Variants in SEMA3E observed in about 807,000 individuals in gnomAD.
The protein encoded by SEMA3E is semaphorin 3E, also known as semaphorin-3E.
In SEMA3E, 49 loss-of-function variants were observed where a neutral mutation model predicts 93.6. That is an observed-to-expected ratio of 0.52 (90% CI 0.42 to 0.66). SEMA3E has a LOEUF of 0.66. SEMA3E is among the 30% of genes least tolerant of loss of function. SEMA3E has a pLI of 0.00. For missense variants in SEMA3E, 906 were observed against 964.8 expected, an observed-to-expected ratio of 0.94 and a Z score of 0.81; for synonymous variants, 363 against 330.7, an observed-to-expected ratio of 1.10 and a Z score of -1.06.
intron 4 of SEMA3E, among the ~76,000 whole-genome samples, chr7:83,425,644 T>A (rs1042231335): frequency 3.3e-5 from 5 of 152,224 alleles, no homozygotes; most frequent in Non-Finnish European, 5.9e-5. Flanking sequence ...TTCACATTTT[T>A]ATCTCTAAAA....
chr7:83,397,920 C>T (rs1017843603), intron 11 of SEMA3E, among the ~76,000 whole-genome samples: 1 of 152,100 alleles, frequency 6.6e-6, no homozygotes, highest in Non-Finnish European at 1.5e-5. Flanking sequence ...AAACAAAGCA[C>T]ACATATTAAA....
At chr7:83,464,885 C>T (rs1169458870) in intron 4 of SEMA3E, among the ~76,000 whole-genome samples, 2 of 149,386 alleles carry the variant, frequency 1.3e-5, no homozygotes, top group Admixed American at 1.3e-4. Context: ...TTTTCGCCGC[C>T]CCAACACTTC....
intron 1 of SEMA3E, among the ~76,000 whole-genome samples, chr7:83,581,388 G>A (rs1168809085): frequency 6.6e-6 from 1 of 151,936 alleles, no homozygotes; most frequent in Non-Finnish European, 1.5e-5. Flanking sequence ...AAACTTCTGT[G>A]TTGCAAGAAC....
intron 1 of SEMA3E, among the ~76,000 whole-genome samples, chr7:83,645,436 T>C (rs2067501520): frequency 6.6e-6 from 1 of 152,062 alleles, no homozygotes. Flanking sequence ...CAGGACAGCA[T>C]CTTGCCATTT....
At chr7:83,419,590 ATC>A (rs1788632026) in intron 4 of SEMA3E, among the ~76,000 whole-genome samples, 1 of 152,108 alleles carries the variant, frequency 6.6e-6, no homozygotes, top group African/African-American at 2.4e-5. Context: ...CCTCTCTGAC[ATC>A]TGTTATTTTT....
rs773239878 is a variant in SEMA3E at position 83,466,596 on chromosome 7, T to C, written c.342A>G (p.Glu114=). The C allele has an allele frequency of 6.2e-7, 1 of 1,613,378 alleles. No homozygotes were observed. The highest frequency in any genetic ancestry group is 1.1e-5 in the South Asian group (1 of 91,080). ...ECIMKGKDAG[E]CANYVRVLHH... is the part of the protein sequence containing the mutation. ...GCAAAACCCGAACATAATTTGCACA[T>C]TCACCCTAAAGCAGGAAAAAAAGGG... The change falls in exon 4 of 17, where the codon GAA becomes GAG. Residue 114 remains glutamate, a synonymous_variant. Coordinates refer to ENST00000643230, the MANE Select transcript of SEMA3E (RefSeq NM_012431.3).
At chr7:83,514,460 G>A (rs1367574192) in intron 1 of SEMA3E, among the ~76,000 whole-genome samples, 2 of 152,022 alleles carry the variant, frequency 1.3e-5, no homozygotes, top group African/African-American at 4.8e-5. Flanking sequence ...AATGTCATGA[G>A]TTCAAATTCA....
chr7:83,434,103 G>A (rs903357145), intron 4 of SEMA3E, among the ~76,000 whole-genome samples: 2 of 151,894 alleles, frequency 1.3e-5, no homozygotes, highest in African/African-American at 4.8e-5. Flanking sequence ...TGCAAGTTAT[G>A]TTTGCACCAA....
intron 1 of SEMA3E, among the ~76,000 whole-genome samples, chr7:83,553,107 G>A (rs986323871): frequency 6.6e-6 from 1 of 152,104 alleles, no homozygotes; most frequent in Non-Finnish European, 1.5e-5. Flanking sequence ...GCTCAGGTGG[G>A]CATCACAGTC....
At chr7:83,564,157 A>G (rs1204392529) in intron 1 of SEMA3E, among the ~76,000 whole-genome samples, 1 of 152,244 alleles carries the variant, frequency 6.6e-6, no homozygotes, top group Non-Finnish European at 1.5e-5. Context: ...CATAGTCTTT[A>G]GAAATATATT....
At chr7:83,448,936 C>T (rs1584255505) in intron 4 of SEMA3E, among the ~76,000 whole-genome samples, 2 of 152,024 alleles carry the variant, frequency 1.3e-5, no homozygotes, top group East Asian at 3.9e-4. Context: ...AATTATGTTA[C>T]AATTACGTCT....
chr7:83,575,405 T>A (rs531457045), intron 1 of SEMA3E, among the ~76,000 whole-genome samples: 6 of 152,102 alleles, frequency 3.9e-5, no homozygotes, highest in African/African-American at 1.4e-4. Flanking sequence ...AGGTAATTTT[T>A]ATCATGTAAA....
intron 1 of SEMA3E, among the ~76,000 whole-genome samples, chr7:83,526,281 A>C (rs895413668): frequency 4.6e-5 from 7 of 152,166 alleles, no homozygotes; most frequent in Non-Finnish European, 8.8e-5. Flanking sequence ...ACATAGCAGC[A>C]CAGCATCTGT....
intron 1 of SEMA3E, among the ~76,000 whole-genome samples, chr7:83,639,137 A>C (rs996796466): frequency 1.5e-5 from 2 of 134,042 alleles, no homozygotes; most frequent in African/African-American, 5.5e-5. Context: ...AAAAAAAAAA[A>C]AAACAGAGAT....
chr7:83,435,386 G>A (rs1788983905), intron 4 of SEMA3E, among the ~76,000 whole-genome samples: 1 of 152,092 alleles, frequency 6.6e-6, no homozygotes, highest in South Asian at 2.1e-4. Context: ...CTGAGGTCAG[G>A]AGTTCGAGAC....
At chr7:83,477,309 C>T (rs1790035560) in intron 2 of SEMA3E, among the ~76,000 whole-genome samples, 1 of 151,800 alleles carries the variant, frequency 6.6e-6, no homozygotes, top group African/African-American at 2.4e-5. Context: ...AAAGTGTTTG[C>T]CTATATTTGG....
At chr7:83,508,460 C>T (rs941500273) in intron 1 of SEMA3E, among the ~76,000 whole-genome samples, 2 of 151,964 alleles carry the variant, frequency 1.3e-5, no homozygotes, top group African/African-American at 2.4e-5. Context: ...CAGAGTTTCT[C>T]CATGTTGGTC....
intron 1 of SEMA3E, among the ~76,000 whole-genome samples, chr7:83,498,193 T>G (rs1443580380): frequency 6.6e-6 from 1 of 152,180 alleles, no homozygotes; most frequent in Non-Finnish European, 1.5e-5. Context: ...TCAGTAAGGT[T>G]TCTGGTCAAC....
chr7:83,447,765 AGGCACAGT>A (rs892930164), intron 4 of SEMA3E, among the ~76,000 whole-genome samples: 1 of 152,238 alleles, frequency 6.6e-6, no homozygotes, highest in African/African-American at 2.4e-5. Flanking sequence ...CAGTAAACAA[AGGCACAGT>A]GGCCAAAGTG....
Sources: gnomAD v4.1 joint callset for allele counts (sites outside exome capture counted in the v4.1 genomes callset) on GRCh38, gnomAD v4.1.1 for gene constraint, MANE v1.5 for transcripts, NCBI Gene and HGNC (gene_info 2026-07-23, HGNC 2026-07-21) for gene names.